GABRB1: variants seen among roughly 807,000 people sequenced by gnomAD.
GABRB1 encodes the protein gamma-aminobutyric acid type A receptor subunit beta1.
A neutral mutation model predicts 51.6 loss-of-function variants in GABRB1; 17 were observed. That is an observed-to-expected ratio of 0.33 (90% confidence interval 0.23 to 0.49). The LOEUF (loss-of-function observed/expected upper bound fraction) is 0.49, where lower values mean the gene tolerates loss of function less well. GABRB1 is among the 20% of genes least tolerant of loss of function. GABRB1 has a pLI of 0.99. For missense variants in GABRB1, 410 were observed against 600.6 expected (o/e 0.68, Z 3.32); for synonymous variants, 247 against 218.9 (o/e 1.13, Z -1.14).
chr4:47,157,427 C>T (rs910488585), intron 3 of GABRB1, among the ~76,000 whole-genome samples: 4 of 152,048 alleles, frequency 2.6e-5, no homozygotes, highest in Non-Finnish European at 5.9e-5. Flanking sequence ...ATAGAATCCA[C>T]CAAAACGAAG....
At chr4:47,254,843 AAT>A (rs1381196893) in intron 4 of GABRB1, among the ~76,000 whole-genome samples, 1 of 152,194 alleles carries the variant, frequency 6.6e-6, no homozygotes, top group Non-Finnish European at 1.5e-5. Flanking sequence ...TTATAAATAA[AAT>A]ATGTTACTTT....
At chr4:47,104,050 G>A (rs1714839845) in intron 3 of GABRB1, among the ~76,000 whole-genome samples, 1 of 151,788 alleles carries the variant, frequency 6.6e-6, no homozygotes, top group African/African-American at 2.4e-5. Context: ...TCTGCATGAA[G>A]AAATTTTTTA....
At chr4:47,202,275 G>C (rs1719928874) in intron 4 of GABRB1, among the ~76,000 whole-genome samples, 1 of 152,120 alleles carries the variant, frequency 6.6e-6, no homozygotes, top group African/African-American at 2.4e-5. Flanking sequence ...TTGTGAAGAA[G>C]GTGCCTTGCT....
At chr4:47,311,651 A>G (rs920011900) in intron 4 of GABRB1, among the ~76,000 whole-genome samples, 1 of 152,090 alleles carries the variant, frequency 6.6e-6, no homozygotes, top group African/African-American at 2.4e-5. Flanking sequence ...TGATTTTAGG[A>G]CTTCTGATCT....
At chr4:47,202,817 A>G (rs1719944265) in intron 4 of GABRB1, among the ~76,000 whole-genome samples, 1 of 152,250 alleles carries the variant, frequency 6.6e-6, no homozygotes, top group Middle Eastern at 3.4e-3. Flanking sequence ...TATCAATGCC[A>G]CTTCTTTTGA....
intron 5 of GABRB1, among the ~76,000 whole-genome samples, chr4:47,322,687 T>A (rs1324555446): frequency 6.6e-6 from 1 of 152,056 alleles, no homozygotes; most frequent in African/African-American, 2.4e-5. Context: ...ATTAGAAGTA[T>A]AGGTTTGTCA....
chr4:47,393,531 T>C (rs1486304821), intron 5 of GABRB1, among the ~76,000 whole-genome samples: 7 of 152,234 alleles, frequency 4.6e-5, no homozygotes, highest in Admixed American at 1.3e-4. Flanking sequence ...GTTTTTTCTT[T>C]GCATACTGAA....
chr4:47,173,234 T>C (rs1718520201), intron 4 of GABRB1, among the ~76,000 whole-genome samples: 1 of 152,178 alleles, frequency 6.6e-6, no homozygotes. Context: ...TGTTCTACAA[T>C]ACAAACATCT....
intron 1 of GABRB1, 28 bp downstream of exon 1, chr4:47,031,759 T>G (rs776645242): frequency 4.9e-5 from 75 of 1,545,748 alleles, no homozygotes; most frequent in Non-Finnish European, 6.6e-5. Context: ...AATCTCGCTC[T>G]CTCTCTCTCT....
chr4:47,370,831 C>T (rs933673733), intron 5 of GABRB1, among the ~76,000 whole-genome samples: 13 of 152,072 alleles, frequency 8.5e-5, no homozygotes, highest in Admixed American at 3.3e-4. Context: ...CATTAGTGGG[C>T]GGGAATGAGG....
intron 3 of GABRB1, among the ~76,000 whole-genome samples, chr4:47,082,713 C>G (rs528346444): frequency 5.3e-5 from 8 of 152,180 alleles, no homozygotes; most frequent in African/African-American, 1.9e-4. Context: ...CTGGGGTATA[C>G]TGTTTCTAAA....
chr4:47,269,430 C>G (rs1722768592), intron 4 of GABRB1, among the ~76,000 whole-genome samples: 1 of 152,038 alleles, frequency 6.6e-6, no homozygotes, highest in Non-Finnish European at 1.5e-5. Context: ...TAATGAGAAC[C>G]ATTATATTAG....
intron 3 of GABRB1, among the ~76,000 whole-genome samples, chr4:47,140,191 C>T (rs1312186054): frequency 1.3e-5 from 2 of 150,856 alleles, no homozygotes; most frequent in Non-Finnish European, 3.0e-5. Flanking sequence ...AAGCACAAAT[C>T]CTGTGAACAC....
At chr4:47,010,581 C>T (rs1264200900) in intron 1 of GABRB1, among the ~76,000 whole-genome samples, 1 of 152,216 alleles carries the variant, frequency 6.6e-6, no homozygotes, top group Non-Finnish European at 1.5e-5. Context: ...ATATGATCAA[C>T]TCAAATGTTG....
intron 4 of GABRB1, among the ~76,000 whole-genome samples, chr4:47,214,454 T>C (rs1720478058): frequency 6.6e-6 from 1 of 152,186 alleles, no homozygotes; most frequent in Non-Finnish European, 1.5e-5. Flanking sequence ...ATCCTAGTCA[T>C]GATATAGGCA....
chr4:47,026,465 A>G (rs934973744), intron 1 of GABRB1, among the ~76,000 whole-genome samples: 2 of 152,076 alleles, frequency 1.3e-5, no homozygotes, highest in African/African-American at 2.4e-5. Context: ...AGTAAAATCT[A>G]TTTTACTATA....
At chr4:47,260,996 A>G (rs1209321600) in intron 4 of GABRB1, among the ~76,000 whole-genome samples, 1 of 152,198 alleles carries the variant, frequency 6.6e-6, no homozygotes, top group African/African-American at 2.4e-5. Context: ...ACAAAATTCA[A>G]CAACACTTCA....
intron 3 of GABRB1, among the ~76,000 whole-genome samples, chr4:47,049,575 C>A (rs573908725): frequency 6.6e-6 from 1 of 152,066 alleles, no homozygotes; most frequent in East Asian, 1.9e-4. Context: ...AAATGGCATC[C>A]GAGGTTAAAA....
chr4:47,000,174 A>G (rs1167988627), intron 1 of GABRB1, among the ~76,000 whole-genome samples: 1 of 152,228 alleles, frequency 6.6e-6, no homozygotes, highest in Non-Finnish European at 1.5e-5. Context: ...AAATACTCAT[A>G]TAAAATTTAA....
Sources: allele counts gnomAD v4.1 joint callset (sites outside exome capture counted in the v4.1 genomes callset), GRCh38; gene constraint gnomAD v4.1.1; transcripts MANE v1.5; gene names NCBI Gene and HGNC (gene_info 2026-07-23, HGNC 2026-07-21).